Variants in WAPL observed in about 807,000 individuals in gnomAD.
WAPL encodes wings apart-like protein homolog.
Under a neutral mutation model 121.0 loss-of-function variants are expected in WAPL, and 5 were observed. The observed-to-expected ratio is 0.04, with a 90% CI of 0.02 to 0.09. The LOEUF is 0.09. Ranked by LOEUF, WAPL falls within the 10% of genes least tolerant of loss-of-function variation. The pLI is 1.00. For missense variants in WAPL, 999 were observed against 1,410.8 expected, an observed-to-expected ratio of 0.71 and a Z score of 4.68; for synonymous variants, 480 against 481.5, an observed-to-expected ratio of 1.00 and a Z score of 0.04.
intron 3 of WAPL, among the ~76,000 whole-genome samples, chr10:86,498,059 T>G (rs1842183095): frequency 6.6e-5 from 10 of 152,230 alleles, no homozygotes; most frequent in Admixed American, 6.5e-4. Context: ...CCAAATGGCC[T>G]CTAATTTTCA....
chr10:86,511,976 A>G (rs907653671), intron 2 of WAPL, among the ~76,000 whole-genome samples: 7 of 152,232 alleles, frequency 4.6e-5, no homozygotes, highest in African/African-American at 1.7e-4. Flanking sequence ...CTTCTCTTAA[A>G]AAGAAGCTGA....
chr10:86,507,852 T>C (rs1470164244), intron 2 of WAPL, among the ~76,000 whole-genome samples: 1 of 152,148 alleles, frequency 6.6e-6, no homozygotes, highest in Non-Finnish European at 1.5e-5. Flanking sequence ...ATTAGCCCTG[T>C]CCGGGCACTC....
intron 4 of WAPL, among the ~76,000 whole-genome samples, chr10:86,495,554 G>A (rs1394214532): frequency 2.0e-5 from 3 of 151,818 alleles, no homozygotes; most frequent in Admixed American, 6.6e-5. Context: ...TAAACGTAAC[G>A]ACCTAAAACT....
chr10:86,462,967 G>A (rs759817252), intron 9 of WAPL, among the ~76,000 whole-genome samples: 1 of 152,164 alleles, frequency 6.6e-6, no homozygotes, highest in Non-Finnish European at 1.5e-5. Context: ...GCCTTTTTAG[G>A]AAGTTTTGTT....
chr10:86,478,668 C>A (rs894186225), intron 4 of WAPL, among the ~76,000 whole-genome samples: 1 of 152,118 alleles, frequency 6.6e-6, no homozygotes, highest in Non-Finnish European at 1.5e-5. Flanking sequence ...AAATATTCCA[C>A]TGACAAACTG....
chr10:86,515,864 C>T (rs1388386126), intron 2 of WAPL, among the ~76,000 whole-genome samples: 7 of 101,148 alleles, frequency 6.9e-5, no homozygotes, highest in Admixed American at 1.4e-4. Flanking sequence ...CTGTCTATGC[C>T]TTTTTTTTTT....
At chr10:86,512,895 A>G (rs1304519266) in intron 2 of WAPL, among the ~76,000 whole-genome samples, 2 of 152,134 alleles carry the variant, frequency 1.3e-5, no homozygotes, top group African/African-American at 4.8e-5. Context: ...AAAGTTTCAT[A>G]ATAAACGTTT....
At chr10:86,463,268 T>C (rs1472472708) in intron 9 of WAPL, among the ~76,000 whole-genome samples, 2 of 152,294 alleles carry the variant, frequency 1.3e-5, no homozygotes, top group African/African-American at 2.4e-5. Flanking sequence ...TCCAGCCAGG[T>C]TGACAGAGCC....
intron 4 of WAPL, among the ~76,000 whole-genome samples, chr10:86,484,828 T>C (rs1841893147): frequency 6.6e-6 from 1 of 151,878 alleles, no homozygotes; most frequent in South Asian, 2.1e-4. Context: ...GGCTATACCA[T>C]ATAGCCTAGG....
In WAPL at chr10:86,504,641, G is replaced by A. The variant is rs140528536; in HGVS notation, c.500-3898C>T. Among the ~76,000 whole-genome samples, 9 of 150,840 alleles carry A rather than the reference G, an allele frequency of 6.0e-5. No homozygotes were observed. The East Asian group carries it at 1.8e-3, about 30-fold the overall frequency. The stretch of plus-strand genomic sequence containing the variant: ...GCAGTGAGCCCCGTCGACAGAGCGA[G>A]ACTCAGTCTCAAAAAAAAAAAGAAA... On this transcript the variant is annotated intron_variant, in intron 2 of 18. Coordinates refer to ENST00000298767, the MANE Select transcript of WAPL (RefSeq NM_015045.5).
chr10:86,437,773 T>C lies in WAPL; in HGVS notation c.3507+147A>G. 4 of 943,232 alleles carry C rather than the reference T, an allele frequency of 4.2e-6. No individual in the cohort carries two copies. In the South Asian group the frequency reaches 7.1e-5, roughly 17 times the overall value. 58.4% of individuals were successfully genotyped at this position (943,232 alleles called of 1,614,324 possible). ...TAAAGTTATTTGCCATAACATGCAA[T>C]GATTACCTTGAAGAAATAGAACACG... On this transcript the variant is annotated intron_variant, in intron 18 of 18. Coordinates refer to ENST00000298767, the MANE Select transcript of WAPL (RefSeq NM_015045.5).
rs1842679330 is a variant in WAPL at position 86,521,538 on chromosome 10, G to A, written c.-196C>T. 8.0e-6 allele frequency: 3 copies of A among 372,874 alleles called. No homozygotes were observed. The highest frequency in any genetic ancestry group is 4.1e-5 in the Admixed American group (1 of 24,370). 23.1% of individuals were successfully genotyped at this position (372,874 alleles called of 1,614,324 possible). On this transcript the variant is annotated 5_prime_UTR_variant, in exon 1 of 19. Transcript: ENST00000298767. ...AGGAAGCCCGGTTGGGGGGGCAGGA[G>A]CGGCGGCCCCGCAACTTCCCTCCCC...
chr10:86,478,912 T>G (rs138818750), intron 4 of WAPL, among the ~76,000 whole-genome samples: 2 of 151,946 alleles, frequency 1.3e-5, no homozygotes, highest in Non-Finnish European at 2.9e-5. Context: ...CTGTCCAACA[T>G]AGTGAAACCC....
chr10:86,448,691 T>G (rs955804307), intron 15 of WAPL, among the ~76,000 whole-genome samples: 1 of 152,180 alleles, frequency 6.6e-6, no homozygotes, highest in African/African-American at 2.4e-5. Context: ...CATGGCTCAC[T>G]GCAGCCTCAA....
intron 2 of WAPL, among the ~76,000 whole-genome samples, chr10:86,512,487 T>C (rs1054205810): frequency 1.3e-5 from 2 of 152,228 alleles, no homozygotes; most frequent in Non-Finnish European, 2.9e-5. Context: ...GAAATGGAAG[T>C]AGCCTTGCAT....
chr10:86,520,883 C>T (rs1053090147), intron 1 of WAPL, among the ~76,000 whole-genome samples: 4 of 152,022 alleles, frequency 2.6e-5, no homozygotes, highest in South Asian at 2.1e-4. Flanking sequence ...GGAAAGCGGA[C>T]GGGACGAACC....
chr10:86,441,812 G>A (rs1849478449), intron 17 of WAPL, among the ~76,000 whole-genome samples: 1 of 152,046 alleles, frequency 6.6e-6, no homozygotes, highest in Non-Finnish European at 1.5e-5. Flanking sequence ...GACCGGCCAG[G>A]ACAACATGGT....
At chr10:86,460,721 T>TC (rs1285900945) in intron 10 of WAPL, among the ~76,000 whole-genome samples, 1 of 150,112 alleles carries the variant, frequency 6.7e-6, no homozygotes, top group African/African-American at 2.4e-5. Context: ...GGCCTCTTCT[T>TC]TTTTTTTTTG....
intron 9 of WAPL, among the ~76,000 whole-genome samples, chr10:86,465,223 T>C (rs950404181): frequency 3.9e-5 from 6 of 152,170 alleles, no homozygotes; most frequent in African/African-American, 1.4e-4. Flanking sequence ...GACGTAGTCT[T>C]GCTCTGTTGC....
Sources: allele counts gnomAD v4.1 joint callset (sites outside exome capture counted in the v4.1 genomes callset), GRCh38; gene constraint gnomAD v4.1.1; transcripts MANE v1.5; gene names NCBI Gene and HGNC (gene_info 2026-07-23, HGNC 2026-07-21).